FYB2: variants seen among roughly 807,000 people sequenced by gnomAD.
The protein encoded by FYB2 is FYN-binding protein 2.
In FYB2, 103 loss-of-function variants were observed where a neutral mutation model predicts 94.1. The ratio of observed to expected loss-of-function variants is 1.09; its 90% CI spans 0.93 to 1.29. FYB2 has a LOEUF of 1.29. FYB2 is among the 50% of genes most tolerant of loss of function. The pLI is 0.00. For missense variants in FYB2, 896 were observed against 841.5 expected (o/e 1.06, Z -0.80); for synonymous variants, 293 against 287.9 (o/e 1.02, Z -0.18).
intron 3 of FYB2, 112 bp from the exon 4 acceptor site, chr1:56,787,320 G>A: frequency 7.5e-7 from 1 of 1,341,916 alleles, no homozygotes. Context: ...GTGGAAGCTT[G>A]CCTGTGCCTG....
At chr1:56,800,270 G>A (rs1348255242) in intron 1 of FYB2, among the ~76,000 whole-genome samples, 1 of 152,120 alleles carries the variant, frequency 6.6e-6, no homozygotes, top group Non-Finnish European at 1.5e-5. Context: ...TAGCATCTGA[G>A]TCACCCTTCA....
intron 5 of FYB2, among the ~76,000 whole-genome samples, chr1:56,763,238 T>C (rs1399326706): frequency 6.6e-6 from 1 of 152,194 alleles, no homozygotes; most frequent in African/African-American, 2.4e-5. Flanking sequence ...TTGTACTGCC[T>C]TTGTCTAGTT....
Position 56,787,203 on chromosome 1 carries a change from C to T in FYB2, c.925G>A (p.Val309Met), listed in dbSNP as rs965813619. Residue 309 changes from valine (V) to methionine (M), a missense_variant, in exon 4 of 20, where the codon GTG becomes ATG. By Grantham distance (21) the Val-to-Met change is conservative (BLOSUM62 1). Transcript: ENST00000343433. ...AVPKTQGEVT[V>M]EEGSLSPERL... ...TCTGGAGACAGGGAGCCCTCTTCCA[C>T]AGTCACTGCAAGAGAAAGAGGCGGA... 3 of 1,613,974 alleles carry T rather than the reference C, an allele frequency of 1.9e-6. No individual in the cohort carries two copies. The highest frequency in any genetic ancestry group is 1.7e-5 in the Admixed American group (1 of 60,014).
intron 4 of FYB2, among the ~76,000 whole-genome samples, chr1:56,769,611 C>T (rs756963742): frequency 4.6e-5 from 7 of 151,962 alleles, no homozygotes; most frequent in South Asian, 2.1e-4. Flanking sequence ...GCATTATTTA[C>T]GAGCAGGATG....
At chr1:56,782,183 C>T (rs1646024122) in intron 4 of FYB2, among the ~76,000 whole-genome samples, 1 of 152,120 alleles carries the variant, frequency 6.6e-6, no homozygotes, top group Admixed American at 6.5e-5. Flanking sequence ...TGTCACTCTA[C>T]TGATCTATCG....
At chr1:56,726,403 A>C in intron 16 of FYB2, 94 bp downstream of exon 16, 4 of 1,138,658 alleles carry the variant, frequency 3.5e-6, no homozygotes, top group Non-Finnish European at 5.1e-6. Flanking sequence ...AACAGCTGAG[A>C]ATCAAATTTC....
At chr1:56,769,461 T>C (rs1438154015) in intron 4 of FYB2, among the ~76,000 whole-genome samples, 1 of 151,986 alleles carries the variant, frequency 6.6e-6, no homozygotes. Context: ...CATACATATA[T>C]TAAGGATTAT....
intron 5 of FYB2, among the ~76,000 whole-genome samples, chr1:56,762,624 T>C (rs1350984210): frequency 6.6e-6 from 1 of 152,242 alleles, no homozygotes; most frequent in African/African-American, 2.4e-5. Context: ...AGGAGGGTTT[T>C]TGTGTGCTTT....
chr1:56,790,211 T>A (rs1181988153), intron 2 of FYB2, among the ~76,000 whole-genome samples: 1 of 152,194 alleles, frequency 6.6e-6, no homozygotes, highest in Non-Finnish European at 1.5e-5. Flanking sequence ...TTGCATATAC[T>A]CCTGGGAGAC....
upstream of FYB2, among the ~76,000 whole-genome samples, chr1:56,820,131 T>G (rs535929906): frequency 1.1e-3 from 173 of 151,014 alleles, 1 homozygote; most frequent in African/African-American, 4.0e-3. Flanking sequence ...CTTGGGAGGC[T>G]GAGGCAGGAG....
upstream of FYB2, among the ~76,000 whole-genome samples, chr1:56,821,793 A>G (rs1267548856): frequency 6.6e-6 from 1 of 152,168 alleles, no homozygotes; most frequent in Non-Finnish European, 1.5e-5. Flanking sequence ...TAAGTGGCAG[A>G]TCCTTGTATT....
At chr1:56,790,161 T>C (rs933390442) in intron 2 of FYB2, among the ~76,000 whole-genome samples, 1 of 152,232 alleles carries the variant, frequency 6.6e-6, no homozygotes, top group Non-Finnish European at 1.5e-5. Flanking sequence ...GTTGACTACA[T>C]GGGCCATTCA....
chr1:56,777,291 G>A, intron 4 of FYB2, among the ~76,000 whole-genome samples: 1 of 142,086 alleles, frequency 7.0e-6, no homozygotes, highest in Admixed American at 7.2e-5. Context: ...AGAAGGCCCA[G>A]AGATATCAAA....
At position 56,814,865 on chromosome 1, in the gene FYB2, A is replaced by G. The variant is rs149469158; in HGVS notation, c.9+4417T>C. On this transcript the variant is annotated intron_variant, in intron 1 of 19. Coordinates refer to ENST00000343433, the MANE Select transcript of FYB2 (RefSeq NM_001004303.5). Reference sequence around the variant, plus strand: ...AAAAACCCTCCAAAATTGCTCTTGAAGCCTACATGGGGTTTCACAGACATT... The same window carrying G: ...AAAAACCCTCCAAAATTGCTCTTGAGGCCTACATGGGGTTTCACAGACATT... Among the ~76,000 whole-genome samples the G allele has an allele frequency of 8.9e-4, 136 of 152,282 alleles. 1 individual carries two copies. The highest frequency in any genetic ancestry group is 3.2e-3 in the African/African-American group (132 of 41,558).
At chr1:56,783,294 A>G (rs1314282661) in intron 4 of FYB2, among the ~76,000 whole-genome samples, 2 of 152,294 alleles carry the variant, frequency 1.3e-5, no homozygotes, top group East Asian at 3.9e-4. Context: ...TGTCTAAGGT[A>G]TGGAAGAGGG....
chr1:56,745,943 C>T (rs1645057744), intron 9 of FYB2, among the ~76,000 whole-genome samples: 1 of 151,852 alleles, frequency 6.6e-6, no homozygotes, highest in Non-Finnish European at 1.5e-5. Flanking sequence ...TTTTTCTCTT[C>T]CTAGGTCATT....
intron 3 of FYB2, among the ~76,000 whole-genome samples, chr1:56,788,232 A>G (rs1425863568): frequency 6.6e-6 from 1 of 152,214 alleles, no homozygotes; most frequent in Admixed American, 6.5e-5. Flanking sequence ...AAAATGAACA[A>G]AGACTGTGTT....
At chr1:56,792,903 T>G in intron 1 of FYB2, 100 bp from the exon 2 acceptor site, 1 of 1,224,902 alleles carries the variant, frequency 8.2e-7, no homozygotes, top group South Asian at 1.5e-5. Flanking sequence ...AAAGTCAGTG[T>G]GATTAGATCT....
upstream of FYB2, among the ~76,000 whole-genome samples, chr1:56,820,872 C>G (rs952890790): frequency 6.6e-6 from 1 of 152,250 alleles, no homozygotes; most frequent in Non-Finnish European, 1.5e-5. Context: ...AGTACTCACT[C>G]TTACCTTGTG....
Sources: allele counts gnomAD v4.1 joint callset (sites outside exome capture counted in the v4.1 genomes callset), GRCh38; gene constraint gnomAD v4.1.1; transcripts MANE v1.5; gene names NCBI Gene and HGNC (gene_info 2026-07-23, HGNC 2026-07-21).